Variants in CNTN5 observed in about 807,000 individuals in gnomAD.
The protein encoded by CNTN5 is contactin-5.
In CNTN5, 77 loss-of-function variants were observed where a neutral mutation model predicts 129.1. That is an observed-to-expected ratio of 0.60 (90% CI 0.50 to 0.72). CNTN5 has a LOEUF of 0.72. Among genes scored for constraint, CNTN5 ranks in the 30% least tolerant of loss-of-function variants. CNTN5 has a pLI of 0.00. For missense variants in CNTN5, 1,478 were observed against 1,328.8 expected, an observed-to-expected ratio of 1.11 and a Z score of -1.75; for synonymous variants, 509 against 465.6, an observed-to-expected ratio of 1.09 and a Z score of -1.20.
intron 8 of CNTN5, among the ~76,000 whole-genome samples, chr11:99,973,305 C>T (rs192616834): frequency 3.3e-5 from 5 of 152,138 alleles, no homozygotes; most frequent in Admixed American, 3.3e-4. Flanking sequence ...GGTCACTTGT[C>T]ATGTATTTAA....
At chr11:99,716,104 A>G (rs1955208621) in intron 3 of CNTN5, among the ~76,000 whole-genome samples, 1 of 151,972 alleles carries the variant, frequency 6.6e-6, no homozygotes, top group Non-Finnish European at 1.5e-5. Context: ...TTACAATTTG[A>G]TAGTCTATTG....
chr11:100,292,519 G>T (rs1170617938), intron 18 of CNTN5, among the ~76,000 whole-genome samples: 2 of 151,954 alleles, frequency 1.3e-5, no homozygotes, highest in African/African-American at 4.8e-5. Flanking sequence ...GTATGAAATT[G>T]AGGTATTCTA....
rs564579081 is a variant in CNTN5 at position 99,772,776 on chromosome 11, T to C, written c.56-46768T>C. 4.1e-3 allele frequency among the ~76,000 whole-genome samples: 628 copies of C among 152,186 alleles called. 2 individuals are homozygous for C. The highest frequency in any genetic ancestry group is 9.3e-3 in the South Asian group (45 of 4,830). Reference sequence around the variant, plus strand: ...CTATAAAAGTTTAATAATGGTTTTATAAGAGAGAATGGGGAAGAAAAGGGC... The same window carrying C: ...CTATAAAAGTTTAATAATGGTTTTACAAGAGAGAATGGGGAAGAAAAGGGC... On this transcript the variant is annotated intron_variant, in intron 3 of 24. Coordinates refer to ENST00000524871, the MANE Select transcript of CNTN5 (RefSeq NM_014361.4).
chr11:99,109,197 T>C (rs1478234762), intron 1 of CNTN5, among the ~76,000 whole-genome samples: 1 of 151,802 alleles, frequency 6.6e-6, no homozygotes, highest in African/African-American at 2.4e-5. Flanking sequence ...CATGTGTATA[T>C]ATCTAGTCAT....
chr11:99,121,108 A>T (rs1858296336), intron 1 of CNTN5, among the ~76,000 whole-genome samples: 2 of 149,866 alleles, frequency 1.3e-5, no homozygotes. Context: ...GGAATTTTCA[A>T]GGGTTTTAAC....
intron 1 of CNTN5, among the ~76,000 whole-genome samples, chr11:99,236,366 T>C (rs1861261016): frequency 6.6e-6 from 1 of 152,050 alleles, no homozygotes; most frequent in Non-Finnish European, 1.5e-5. Flanking sequence ...ACAATGAAGA[T>C]ATGCAGAGCT....
intron 2 of CNTN5, among the ~76,000 whole-genome samples, chr11:99,436,614 G>T (rs12280637): frequency 0.17 from 26,412 of 152,030 alleles, 2,605 homozygotes; most frequent in Admixed American, 0.23. Context: ...TCATCTGATA[G>T]GTAAATCCAA....
intron 6 of CNTN5, among the ~76,000 whole-genome samples, chr11:99,860,950 A>ATTTTTTTTT (rs146364893): frequency 2.4e-4 from 22 of 91,034 alleles, no homozygotes; most frequent in South Asian, 4.1e-4. Context: ...ATATGTCTTC[A>ATTTTTTTTT]TTTTTTTTTT....
chr11:99,951,927 T>A (rs1195017292), intron 7 of CNTN5, among the ~76,000 whole-genome samples: 1 of 152,196 alleles, frequency 6.6e-6, no homozygotes, highest in Non-Finnish European at 1.5e-5. Context: ...TACATTTCTA[T>A]CTCAAATATG....
intron 13 of CNTN5, among the ~76,000 whole-genome samples, chr11:100,181,830 T>G (rs1948146956): frequency 6.6e-6 from 1 of 151,990 alleles, no homozygotes; most frequent in African/African-American, 2.4e-5. Flanking sequence ...TATAGACCAA[T>G]AACTATAAAA....
At chr11:99,776,671 G>T (rs935807915) in intron 3 of CNTN5, among the ~76,000 whole-genome samples, 2 of 151,460 alleles carry the variant, frequency 1.3e-5, no homozygotes, top group Non-Finnish European at 2.9e-5. Flanking sequence ...ATGGCCTAGT[G>T]GTGCTTGCAT....
intron 1 of CNTN5, among the ~76,000 whole-genome samples, chr11:99,283,599 A>T (rs1315789949): frequency 6.6e-6 from 1 of 152,170 alleles, no homozygotes; most frequent in Non-Finnish European, 1.5e-5. Context: ...GATGATAAAA[A>T]TTCTATTTGG....
intron 2 of CNTN5, among the ~76,000 whole-genome samples, chr11:99,444,070 C>T (rs1943953145): frequency 6.6e-6 from 1 of 151,678 alleles, no homozygotes; most frequent in Admixed American, 6.6e-5. Context: ...TGGTGGTGGG[C>T]GCCTGTAGTC....
At chr11:99,562,655 T>C (rs1365324830) in intron 3 of CNTN5, among the ~76,000 whole-genome samples, 1 of 152,096 alleles carries the variant, frequency 6.6e-6, no homozygotes, top group Non-Finnish European at 1.5e-5. Context: ...ACAGTGAAGA[T>C]TATCAACAGG....
intron 13 of CNTN5, among the ~76,000 whole-genome samples, chr11:100,143,806 A>T (rs1291346176): frequency 1.3e-5 from 2 of 152,124 alleles, no homozygotes; most frequent in Middle Eastern, 3.2e-3. Flanking sequence ...AAGGGACCTG[A>T]GGTAGCCAGA....
At chr11:99,310,531 G>C (rs1228675014) in intron 1 of CNTN5, among the ~76,000 whole-genome samples, 2 of 151,798 alleles carry the variant, frequency 1.3e-5, no homozygotes, top group Non-Finnish European at 2.9e-5. Flanking sequence ...CCTTTTATTT[G>C]TTTTTAGGCA....
At chr11:99,629,924 A>G (rs1951277319) in intron 3 of CNTN5, among the ~76,000 whole-genome samples, 1 of 151,804 alleles carries the variant, frequency 6.6e-6, no homozygotes. Context: ...TAAAATATTT[A>G]TGCTCAGATT....
chr11:99,554,684 C>T (rs889448287), intron 2 of CNTN5, among the ~76,000 whole-genome samples: 2 of 152,056 alleles, frequency 1.3e-5, no homozygotes, highest in African/African-American at 4.8e-5. Context: ...CAAAAAAGGT[C>T]AATTTAATCA....
At chr11:100,044,092 G>GTA (rs1222028944) in intron 9 of CNTN5, among the ~76,000 whole-genome samples, 28 of 116,110 alleles carry the variant, frequency 2.4e-4, no homozygotes, top group East Asian at 9.0e-4. Context: ...ATTCCACAGT[G>GTA]TATATATACA....
Sources: gnomAD v4.1 joint callset for allele counts (sites outside exome capture counted in the v4.1 genomes callset) on GRCh38, gnomAD v4.1.1 for gene constraint, MANE v1.5 for transcripts, NCBI Gene and HGNC (gene_info 2026-07-23, HGNC 2026-07-21) for gene names.